PRH1: variants seen among roughly 807,000 people sequenced by gnomAD.
The protein encoded by PRH1 is proline rich protein HaeIII subfamily 1.
In PRH1, 7 loss-of-function variants were observed where a neutral mutation model predicts 7.9. The ratio of observed to expected loss-of-function variants is 0.89; its 90% CI spans 0.50 to 1.67. The LOEUF is 1.67. PRH1 is among the 40% of genes most tolerant of loss of function. The pLI is 0.00. For missense variants in PRH1, 109 were observed against 223.6 expected (o/e 0.49, Z 3.27); for synonymous variants, 45 against 80.8 (o/e 0.56, Z 2.38).
intron 1 of PRH1, among the ~76,000 whole-genome samples, chr12:11,153,918 AC>A (rs1849415776): frequency 6.6e-6 from 1 of 152,282 alleles, no homozygotes; most frequent in Non-Finnish European, 1.5e-5. Context: ...AACAGATATT[AC>A]CCCCAAAAAA....
intron 1 of PRH1, among the ~76,000 whole-genome samples, chr12:10,976,644 TTA>T (rs1396636657): frequency 1.3e-5 from 2 of 150,778 alleles, no homozygotes; most frequent in African/African-American, 4.9e-5. Flanking sequence ...TTTTTTTTTT[TTA>T]AATTAAGATA....
intron 1 of PRH1, among the ~76,000 whole-genome samples, chr12:11,059,642 T>G (rs1943504761): frequency 6.6e-6 from 1 of 152,128 alleles, no homozygotes; most frequent in African/African-American, 2.4e-5. Context: ...CTACCTTGTC[T>G]CCAATTCAGA....
intron 1 of PRH1, chr12:11,133,452 G>C (rs759366541): frequency 2.5e-6 from 4 of 1,614,006 alleles, no homozygotes; most frequent in Non-Finnish European, 2.5e-6. Flanking sequence ...ATAATAGCTT[G>C]GCAGAACATG....
chr12:11,053,379 T>A (rs1181853906), intron 1 of PRH1, among the ~76,000 whole-genome samples: 2 of 152,280 alleles, frequency 1.3e-5, no homozygotes, highest in African/African-American at 4.8e-5. Context: ...AGCTTGATCA[T>A]GAAATGGTTT....
At chr12:10,882,760 T>C in intron 2 of PRH1, 62 bp from the exon 3 acceptor site, 1 of 1,595,470 alleles carries the variant, frequency 6.3e-7, no homozygotes, top group East Asian at 2.2e-5. Context: ...TCTTCATACC[T>C]CTCTGTCTTC....
intron 2 of PRH1, chr12:10,938,195 A>G (rs1950321271): frequency 4.4e-6 from 5 of 1,134,992 alleles, no homozygotes; most frequent in Non-Finnish European, 6.2e-6. Context: ...AATCTTAAGG[A>G]AGTATAAATT....
At chr12:10,903,525 C>T (rs75777999) in intron 2 of PRH1, among the ~76,000 whole-genome samples, 8,212 of 151,808 alleles carry the variant, frequency 0.054, 726 homozygotes, top group African/African-American at 0.19. Context: ...AAGGAACATA[C>T]CTCAAAATAA....
exon 1 of PRH1, chr12:11,047,033 A>G: frequency 2.0e-6 from 1 of 509,780 alleles, no homozygotes; most frequent in Non-Finnish European, 4.1e-6. Flanking sequence ...ATATGGATAG[A>G]TGGAGTCTAT....
At chr12:11,070,246 TAA>T (rs2136204256) in intron 1 of PRH1, among the ~76,000 whole-genome samples, 1 of 152,276 alleles carries the variant, frequency 6.6e-6, no homozygotes, top group East Asian at 1.9e-4. Flanking sequence ...GCATGCGTGT[TAA>T]GAGAGAAAAT....
chr12:11,071,062 A>T (rs1944044539), intron 1 of PRH1, among the ~76,000 whole-genome samples: 1 of 150,056 alleles, frequency 6.7e-6, no homozygotes, highest in African/African-American at 2.4e-5. Context: ...ATGCAAATAG[A>T]ACCTTTCACC....
chr12:10,976,746 C>T (rs965650508), intron 1 of PRH1, among the ~76,000 whole-genome samples: 11 of 151,820 alleles, frequency 7.2e-5, no homozygotes, highest in African/African-American at 2.7e-4. Flanking sequence ...TACCACTGAC[C>T]CCACTGAAAT....
intron 1 of PRH1, among the ~76,000 whole-genome samples, chr12:11,081,527 G>A (rs66963320): frequency 9.0e-6 from 1 of 110,884 alleles, no homozygotes; most frequent in East Asian, 2.2e-4. Context: ...CTTTGTTCTG[G>A]AATTTACCTT....
intron 1 of PRH1, among the ~76,000 whole-genome samples, chr12:11,099,273 A>G (rs1945159258): frequency 1.3e-5 from 2 of 152,180 alleles, no homozygotes; most frequent in Admixed American, 1.3e-4. Flanking sequence ...CCATGAGAAT[A>G]TCGCCTCGCA....
At position 10,921,092 on chromosome 12, in the gene PRH1, C is replaced by CT. The variant is rs542960256; in HGVS notation, c.-58-36818dup. 4.2e-3 allele frequency among the ~76,000 whole-genome samples: 642 copies of CT among 151,674 alleles called. 1 individual carries two copies. The highest frequency in any genetic ancestry group is 5.8e-3 in the Non-Finnish European group (395 of 67,788). ...ATTATGAGACTAATTTACTTTTACA[C>CT]TTTTTTTTAGCAGTTTTGTGCCTGT... On this transcript the variant is annotated intron_variant, in intron 2 of 3. Coordinates refer to the PRH1 transcript ENST00000539853.
intron 1 of PRH1, among the ~76,000 whole-genome samples, chr12:11,103,224 A>G (rs1335534945): frequency 8.1e-6 from 1 of 123,408 alleles, no homozygotes; most frequent in African/African-American, 2.7e-5. Flanking sequence ...TCATGCTGCT[A>G]TAAAGACACA....
intron 1 of PRH1, among the ~76,000 whole-genome samples, chr12:11,012,483 T>G (rs764857491): frequency 1.3e-5 from 2 of 152,300 alleles, no homozygotes; most frequent in Non-Finnish European, 2.9e-5. Flanking sequence ...ACATGTTCAG[T>G]GCAGGCAGGA....
At chr12:10,921,067 A>G (rs1162056295) in intron 2 of PRH1, among the ~76,000 whole-genome samples, 1 of 152,062 alleles carries the variant, frequency 6.6e-6, no homozygotes, top group African/African-American at 2.4e-5. Flanking sequence ...TTAAGTATAT[A>G]TTATGAGACT....
At chr12:11,123,213 GTAAT>G (rs1429542816) in intron 1 of PRH1, among the ~76,000 whole-genome samples, 2 of 152,356 alleles carry the variant, frequency 1.3e-5, no homozygotes, top group African/African-American at 4.8e-5. Flanking sequence ...TGATTTTACT[GTAAT>G]TATTTATCCA....
intron 1 of PRH1, among the ~76,000 whole-genome samples, chr12:11,040,383 C>T (rs534719411): frequency 6.6e-6 from 1 of 152,328 alleles, no homozygotes; most frequent in Admixed American, 6.5e-5. Context: ...TCAGTATAAT[C>T]ATCTGTTCAT....
Sources: allele counts gnomAD v4.1 joint callset (sites outside exome capture counted in the v4.1 genomes callset), GRCh38; gene constraint gnomAD v4.1.1; transcripts MANE v1.5; gene names NCBI Gene and HGNC (gene_info 2026-07-23, HGNC 2026-07-21).